ROR2: variants seen among roughly 807,000 people sequenced by gnomAD.
ROR2 encodes tyrosine-protein kinase transmembrane receptor ROR2.
In ROR2, 33 loss-of-function variants were observed where a neutral mutation model predicts 74.9. That is an observed-to-expected ratio of 0.44 (90% CI 0.33 to 0.59). The LOEUF is 0.59. Among genes scored for constraint, ROR2 ranks in the 20% least tolerant of loss-of-function variants. The probability of loss-of-function intolerance (pLI) is 0.02; values close to 1 mark genes in which losing one functional copy is unlikely to be tolerated. For missense variants in ROR2, 1,216 were observed against 1,313.8 expected (o/e 0.93, Z 1.15); for synonymous variants, 586 against 558.7 (o/e 1.05, Z -0.69).
intron 1 of ROR2, among the ~76,000 whole-genome samples, chr9:91,931,972 A>C (rs186934783): frequency 6.6e-6 from 1 of 152,312 alleles, no homozygotes; most frequent in African/African-American, 2.4e-5. Flanking sequence ...CAAATACCAA[A>C]ATTTAGAAAG....
chr9:91,724,236 G>C lies in ROR2; in HGVS notation c.2258C>G (p.Ser753Cys). 6.2e-7 allele frequency: 1 copy of C among 1,613,610 alleles called. No homozygotes were observed. The highest frequency in any genetic ancestry group is 8.5e-7 in the Non-Finnish European group (1 of 1,180,034). The change falls in exon 9 of 9, where the codon TCC becomes TGC. Residue 753 changes from serine (S) to cysteine (C), a missense_variant. Physicochemically the swap from Ser to Cys is moderately radical, Grantham distance 112. Coordinates refer to ENST00000375708, the MANE Select transcript of ROR2 (RefSeq NM_004560.4). ...GGTCTGCGCCGAGCTGTTGTAGTTG[G>C]AAAGGTTGCCCCAGGCTCGGAGCCG... Reference protein sequence around the residue: ...HSRLRAWGNLSNYNSSAQTSG... With the variant: ...HSRLRAWGNLCNYNSSAQTSG...
chr9:91,886,005 A>T (rs1409328642), intron 1 of ROR2, among the ~76,000 whole-genome samples: 1 of 150,780 alleles, frequency 6.6e-6, no homozygotes, highest in African/African-American at 2.4e-5. Flanking sequence ...TCTCCCGAGT[A>T]GCTGGGATTA....
chr9:91,797,137 C>T (rs1827208467), intron 1 of ROR2, among the ~76,000 whole-genome samples: 1 of 78,872 alleles, frequency 1.3e-5, no homozygotes, highest in South Asian at 7.2e-4. Context: ...ACACCCTGGG[C>T]TCTGTGGGTG....
chr9:91,762,902 T>C (rs1248084359), intron 2 of ROR2, among the ~76,000 whole-genome samples: 1 of 152,214 alleles, frequency 6.6e-6, no homozygotes, highest in Non-Finnish European at 1.5e-5. Context: ...CCTATATAGA[T>C]GTCTTGTCCT....
chr9:91,936,985 C>A (rs995203792), intron 1 of ROR2, among the ~76,000 whole-genome samples: 6 of 139,762 alleles, frequency 4.3e-5, no homozygotes, highest in Non-Finnish European at 9.1e-5. Context: ...AGCCGAGATC[C>A]CGCCACTGCA....
intron 1 of ROR2, among the ~76,000 whole-genome samples, chr9:91,814,353 C>T (rs530680349): frequency 3.3e-5 from 5 of 152,282 alleles, no homozygotes; most frequent in Admixed American, 1.3e-4. Context: ...CACTCCTGTC[C>T]GTTCGTCAGA....
intron 1 of ROR2, among the ~76,000 whole-genome samples, chr9:91,828,388 A>G (rs559163244): frequency 2.6e-5 from 4 of 152,316 alleles, no homozygotes; most frequent in South Asian, 4.1e-4. Context: ...ATTAATTCTA[A>G]AAGTTTTTAG....
chr9:91,740,179 G>T (rs921260082), intron 4 of ROR2, among the ~76,000 whole-genome samples: 1 of 152,178 alleles, frequency 6.6e-6, no homozygotes, highest in African/African-American at 2.4e-5. Flanking sequence ...TGACAAGGGG[G>T]TGCTGGGGTG....
At chr9:91,783,388 C>T (rs1310003940) in intron 1 of ROR2, among the ~76,000 whole-genome samples, 1 of 152,182 alleles carries the variant, frequency 6.6e-6, no homozygotes, top group Non-Finnish European at 1.5e-5. Flanking sequence ...ACAGTGAGTG[C>T]CTCGCTGAGA....
chr9:91,864,220 T>C (rs1402451017), intron 1 of ROR2, among the ~76,000 whole-genome samples: 1 of 152,224 alleles, frequency 6.6e-6, no homozygotes, highest in Non-Finnish European at 1.5e-5. Context: ...TCCTGTTAGA[T>C]TATGTGAATT....
chr9:91,906,898 A>C (rs184920306), intron 1 of ROR2, among the ~76,000 whole-genome samples: 155 of 152,278 alleles, frequency 1.0e-3, no homozygotes, highest in African/African-American at 3.3e-3. Flanking sequence ...TGTGGTAAAC[A>C]GTATACCATA....
chr9:91,893,294 G>C (rs1830467661), intron 1 of ROR2, among the ~76,000 whole-genome samples: 1 of 152,086 alleles, frequency 6.6e-6, no homozygotes, highest in Admixed American at 6.5e-5. Flanking sequence ...ACAAAAATTA[G>C]CTGGGTGTGG....
intron 1 of ROR2, among the ~76,000 whole-genome samples, chr9:91,811,485 G>A (rs943122179): frequency 1.3e-5 from 2 of 152,194 alleles, no homozygotes; most frequent in African/African-American, 4.8e-5. Context: ...TGACATCTGG[G>A]GCCTTGCTGA....
intron 3 of ROR2, among the ~76,000 whole-genome samples, 178 bp from the exon 4 acceptor site, chr9:91,756,279 G>A (rs977201890): frequency 1.3e-5 from 2 of 152,214 alleles, no homozygotes; most frequent in African/African-American, 4.8e-5. Flanking sequence ...CACACACAAG[G>A]GAAGGGGTGC....
rs534972820 is a variant in ROR2 at position 91,902,145 on chromosome 9, CA to C, written c.97+47721del. 1.1e-3 allele frequency among the ~76,000 whole-genome samples: 161 copies of C among 152,322 alleles called. 7 individuals carry two copies. In the South Asian group the frequency reaches 0.032, roughly 30 times the overall value. On this transcript the variant is annotated intron_variant, in intron 1 of 8. Coordinates refer to ENST00000375708, the MANE Select transcript of ROR2 (RefSeq NM_004560.4). ...CCCCACCACAGATGACGGCCTGATT[CA>C]TCTAAGTAGTCAACAAGTAAGAGAT...
chr9:91,855,106 T>C (rs769475403), intron 1 of ROR2, among the ~76,000 whole-genome samples: 4 of 152,198 alleles, frequency 2.6e-5, no homozygotes, highest in Non-Finnish European at 4.4e-5. Context: ...CTTAAAAATA[T>C]CTTAACTTTA....
intron 1 of ROR2, among the ~76,000 whole-genome samples, chr9:91,931,419 C>A (rs1322770572): frequency 6.6e-6 from 1 of 152,120 alleles, no homozygotes; most frequent in Non-Finnish European, 1.5e-5. Flanking sequence ...AAAAGCACAA[C>A]ACAAAATCTG....
chr9:91,758,463 A>G (rs770555755), intron 2 of ROR2, among the ~76,000 whole-genome samples: 3 of 152,224 alleles, frequency 2.0e-5, no homozygotes, highest in Non-Finnish European at 4.4e-5. Flanking sequence ...AAACATGGAC[A>G]TCCCCAAACC....
chr9:91,844,397 A>G (rs1330683628), intron 1 of ROR2, among the ~76,000 whole-genome samples: 2 of 151,628 alleles, frequency 1.3e-5, no homozygotes, highest in Non-Finnish European at 2.9e-5. Flanking sequence ...TTCCTCGCCC[A>G]GGGAGCTGCC....
Sources: allele counts gnomAD v4.1 joint callset (sites outside exome capture counted in the v4.1 genomes callset), GRCh38; gene constraint gnomAD v4.1.1; transcripts MANE v1.5; gene names NCBI Gene and HGNC (gene_info 2026-07-23, HGNC 2026-07-21).